Variants in SHROOM4 observed in about 807,000 individuals in gnomAD.
SHROOM4 encodes the protein shroom family member 4.
SHROOM4 carries 17 observed loss-of-function variants against 80.3 expected under a neutral mutation model. The observed-to-expected ratio is 0.21, with a 90% CI of 0.14 to 0.32. SHROOM4 has a LOEUF of 0.32. SHROOM4 is among the 10% of genes least tolerant of loss of function. The pLI is 1.00. For synonymous variants in SHROOM4, 400 were observed against 437.5 expected, an observed-to-expected ratio of 0.91 and a Z score of 1.07; for missense variants, 993 against 1,140.3, an observed-to-expected ratio of 0.87 and a Z score of 1.86.
intron 2 of SHROOM4, among the ~76,000 whole-genome samples, chrX:50,643,006 T>C (rs1931662874): frequency 9.0e-6 from 1 of 111,071 alleles, no homozygotes; most frequent in Non-Finnish European, 1.9e-5. Context: ...GAGGTCTCAT[T>C]AGTCCTAGAG....
intron 1 of SHROOM4, among the ~76,000 whole-genome samples, chrX:50,808,767 T>C (rs1291407709): frequency 9.0e-6 from 1 of 110,961 alleles, no homozygotes; most frequent in Non-Finnish European, 1.9e-5. Flanking sequence ...GAAATCATTT[T>C]AATTTTTTTA....
chrX:50,647,741 C>T lies in SHROOM4; in HGVS notation c.270-9433G>A, dbSNP rs782388849. ...GAGTCAAGTCTCAAAATCCTCAGAA[C>T]TACTTCTGGCCACTCCCCAGGTCAT... is the stretch of plus-strand genomic sequence containing the variant. On this transcript the variant is annotated intron_variant, in intron 2 of 8. Transcript: ENST00000376020. 1.1e-4 allele frequency among the ~76,000 whole-genome samples: 12 copies of T among 112,005 alleles called. No homozygotes were observed. In the South Asian group the frequency reaches 4.6e-3, roughly 43 times the overall value.
At chrX:50,805,018 C>T (rs889381149) in intron 1 of SHROOM4, among the ~76,000 whole-genome samples, 6 of 111,704 alleles carry the variant, frequency 5.4e-5, no homozygotes, top group Admixed American at 9.6e-5. Context: ...TCATCACTCA[C>T]ACTCTCAGTC....
At chrX:50,685,551 C>T (rs1473992509) in intron 2 of SHROOM4, among the ~76,000 whole-genome samples, 1 of 111,950 alleles carries the variant, frequency 8.9e-6, no homozygotes, top group Non-Finnish European at 1.9e-5. Context: ...AGACATTTCC[C>T]CCAAGTATAG....
At chrX:50,721,380 T>C (rs1557265413) in intron 1 of SHROOM4, among the ~76,000 whole-genome samples, 2 of 112,800 alleles carry the variant, frequency 1.8e-5, no homozygotes, top group East Asian at 5.6e-4. Context: ...TATTTCTTGA[T>C]GATATGCTCA....
In SHROOM4 at chrX:50,590,222, C is replaced by A. The variant is rs782223516; in HGVS notation, c.*6473G>T. Among the ~76,000 whole-genome samples the A allele has an allele frequency of 9.0e-6, 1 of 110,801 alleles. No individual in the cohort carries two copies. The highest frequency in any genetic ancestry group is 1.9e-5 in the Non-Finnish European group (1 of 52,930). On this transcript the variant is annotated 3_prime_UTR_variant, in exon 9 of 9. Transcript: ENST00000376020. ...AGGCATTCATAATGAAATTATAATG[C>A]CCTTATAAGAAGGGGAAGAGACCAG... is the stretch of plus-strand genomic sequence containing the variant.
intron 1 of SHROOM4, among the ~76,000 whole-genome samples, chrX:50,786,732 A>G (rs1557271104): frequency 9.0e-6 from 1 of 111,439 alleles, no homozygotes; most frequent in African/African-American, 3.3e-5. Context: ...TACTCACACA[A>G]AGAGCCAAGG....
At chrX:50,735,900 G>C (rs782071873) in intron 1 of SHROOM4, among the ~76,000 whole-genome samples, 2 of 109,306 alleles carry the variant, frequency 1.8e-5, no homozygotes, top group Non-Finnish European at 3.8e-5. Flanking sequence ...CCGGATACTT[G>C]GGAGGCTGAG....
intron 4 of SHROOM4, among the ~76,000 whole-genome samples, chrX:50,631,010 A>C (rs1272902488): frequency 8.9e-6 from 1 of 111,946 alleles, no homozygotes; most frequent in Non-Finnish European, 1.9e-5. Context: ...ATAAAAGAGA[A>C]GGGAATACAT....
intron 8 of SHROOM4, 46 bp from the exon 9 acceptor site, chrX:50,597,010 A>G (rs1929145380): frequency 8.4e-7 from 1 of 1,188,284 alleles, no homozygotes; most frequent in African/African-American, 1.8e-5. Context: ...ATTACCAGGC[A>G]TCTGTCCAAC....
At chrX:50,760,861 A>G (rs1935142053) in intron 1 of SHROOM4, among the ~76,000 whole-genome samples, 1 of 111,461 alleles carries the variant, frequency 9.0e-6, no homozygotes, top group Admixed American at 9.5e-5. Context: ...TATTTACTCC[A>G]TTCACATTCA....
At chrX:50,679,011 T>C (rs1232692938) in intron 2 of SHROOM4, among the ~76,000 whole-genome samples, 1 of 111,638 alleles carries the variant, frequency 9.0e-6, no homozygotes, top group Non-Finnish European at 1.9e-5. Context: ...AACTCAATAG[T>C]CTTTTTTCAA....
At chrX:50,735,425 G>A (rs1458438179) in intron 1 of SHROOM4, among the ~76,000 whole-genome samples, 3 of 111,682 alleles carry the variant, frequency 2.7e-5, no homozygotes, top group Non-Finnish European at 5.6e-5. Flanking sequence ...GGATTCTTAG[G>A]TATGATACCA....
intron 1 of SHROOM4, among the ~76,000 whole-genome samples, chrX:50,701,727 T>C (rs1933523113): frequency 8.9e-6 from 1 of 111,967 alleles, no homozygotes; most frequent in South Asian, 3.7e-4. Flanking sequence ...TTTTTACTGA[T>C]GTACATTTTT....
At chrX:50,685,951 A>G (rs1466489699) in intron 2 of SHROOM4, among the ~76,000 whole-genome samples, 1 of 111,934 alleles carries the variant, frequency 8.9e-6, no homozygotes, top group African/African-American at 3.2e-5. Context: ...CCTAATGATC[A>G]TTCTGATTGA....
At chrX:50,640,403 C>G (rs1259460470) in intron 2 of SHROOM4, among the ~76,000 whole-genome samples, 2 of 108,453 alleles carry the variant, frequency 1.8e-5, no homozygotes, top group African/African-American at 6.7e-5. Flanking sequence ...TCTCTCTCCC[C>G]CTACCCCCCC....
In SHROOM4 at chrX:50,589,945, T is replaced by C. The variant is rs1928833461; in HGVS notation, c.*6750A>G. ...TCATTTCCTCACCAACACTTGTTAT[T>C]GTTTGGCTTTTTGATATAGCTATTC... On this transcript the variant is annotated 3_prime_UTR_variant, in exon 9 of 9. Transcript: ENST00000376020. Among the ~76,000 whole-genome samples the C allele has an allele frequency of 1.8e-5, 2 of 112,298 alleles. No homozygotes were observed. Among genetic ancestry groups the C allele is most frequent in the Middle Eastern group, 4.6e-3 (1 of 219 alleles).
In SHROOM4 at chrX:50,678,426, C is replaced by A. The variant is rs1211568162; in HGVS notation, c.269+17360G>T. Among the ~76,000 whole-genome samples the A allele has an allele frequency of 3.6e-5, 4 of 111,678 alleles. No homozygotes were observed. The East Asian group carries it at 1.1e-3, about 31-fold the overall frequency. On this transcript the variant is annotated intron_variant, in intron 2 of 8. Coordinates refer to ENST00000376020, the MANE Select transcript of SHROOM4 (RefSeq NM_020717.5). ...CTAAACTCAGCAGACAAAACTGCAA[C>A]CCCACCATAACTTCTAGCCATCTCA... is the stretch of plus-strand genomic sequence containing the variant.
At chrX:50,704,239 T>C (rs1389130194) in intron 1 of SHROOM4, among the ~76,000 whole-genome samples, 6 of 112,035 alleles carry the variant, frequency 5.4e-5, no homozygotes, top group Non-Finnish European at 1.1e-4. Flanking sequence ...TTCATTGTCA[T>C]TTTCAAACTG....
Sources: gnomAD v4.1 joint callset for allele counts (sites outside exome capture counted in the v4.1 genomes callset) on GRCh38, gnomAD v4.1.1 for gene constraint, MANE v1.5 for transcripts, NCBI Gene and HGNC (gene_info 2026-07-23, HGNC 2026-07-21) for gene names.